The following GABRA1 variants were observed in gnomAD, a reference collection of about 807,000 sequenced individuals.
The protein encoded by GABRA1 is gamma-aminobutyric acid type A receptor subunit alpha1.
A neutral mutation model predicts 48.9 loss-of-function variants in GABRA1; 9 were observed. The ratio of observed to expected loss-of-function variants is 0.18; its 90% CI spans 0.11 to 0.32. The LOEUF (loss-of-function observed/expected upper bound fraction) is 0.32, where lower values mean the gene tolerates loss of function less well. GABRA1 is among the 10% of genes least tolerant of loss of function. The probability of loss-of-function intolerance (pLI) is 1.00; values close to 1 mark genes in which losing one functional copy is unlikely to be tolerated. For missense variants in GABRA1, 285 were observed against 553.8 expected (o/e 0.51, Z 4.87); for synonymous variants, 210 against 198.7 (o/e 1.06, Z -0.48).
At chr5:161,878,688 C>A (rs982108249) in intron 6 of GABRA1, among the ~76,000 whole-genome samples, 6 of 152,024 alleles carry the variant, frequency 3.9e-5, no homozygotes, top group Non-Finnish European at 5.9e-5. Context: ...GTCAGCTAAC[C>A]CGAGGGCAAT....
intron 6 of GABRA1, among the ~76,000 whole-genome samples, chr5:161,876,123 A>G (rs1754341304): frequency 6.6e-6 from 1 of 152,130 alleles, no homozygotes; most frequent in Admixed American, 6.6e-5. Flanking sequence ...CAAAAAACAC[A>G]AATACCCTAA....
At chr5:161,861,760 T>C (rs1164707572) in intron 3 of GABRA1, among the ~76,000 whole-genome samples, 1 of 151,806 alleles carries the variant, frequency 6.6e-6, no homozygotes, top group Non-Finnish European at 1.5e-5. Context: ...TATCCAGGAG[T>C]ATACATTGAT....
chr5:161,860,235 T>C (rs1561568379), intron 3 of GABRA1, among the ~76,000 whole-genome samples: 1 of 151,846 alleles, frequency 6.6e-6, no homozygotes, highest in Non-Finnish European at 1.5e-5. Flanking sequence ...TCTAGCGTGT[T>C]TAGACAACTT....
intron 6 of GABRA1, among the ~76,000 whole-genome samples, chr5:161,879,895 A>T (rs570554312): frequency 6.6e-6 from 1 of 152,340 alleles, no homozygotes; most frequent in South Asian, 2.1e-4. Context: ...GTAACAACAC[A>T]TGACAAAGTA....
chr5:161,884,614 T>C (rs1259619742), intron 7 of GABRA1, among the ~76,000 whole-genome samples: 1 of 152,120 alleles, frequency 6.6e-6, no homozygotes, highest in Non-Finnish European at 1.5e-5. Context: ...TATTGGGGGA[T>C]AAATAATCAC....
chr5:161,864,761 A>G (rs970120905), intron 3 of GABRA1, among the ~76,000 whole-genome samples: 6 of 151,816 alleles, frequency 4.0e-5, no homozygotes, highest in African/African-American at 2.4e-5. Flanking sequence ...TTAAATCATA[A>G]CTGAGTTATC....
chr5:161,888,146 A>G (rs1305567293), intron 7 of GABRA1, among the ~76,000 whole-genome samples: 1 of 152,150 alleles, frequency 6.6e-6, no homozygotes, highest in African/African-American at 2.4e-5. Context: ...TATTTGAATG[A>G]CAATTCCCCT....
chr5:161,864,531 G>T (rs1757980281), intron 3 of GABRA1, among the ~76,000 whole-genome samples: 2 of 151,872 alleles, frequency 1.3e-5, no homozygotes, highest in African/African-American at 2.4e-5. Context: ...TAAAGGAAAT[G>T]ATCATTTTAT....
Position 161,886,499 on chromosome 5 carries a change from A to T in GABRA1, c.703+3798A>T, listed in dbSNP as rs918318366. Among the ~76,000 whole-genome samples the T allele has an allele frequency of 2.0e-5, 3 of 152,226 alleles. No individual in the cohort carries two copies. In the East Asian group the frequency reaches 5.8e-4, roughly 29 times the overall value. On this transcript the variant is annotated intron_variant, in intron 7 of 9. Coordinates refer to ENST00000393943, the MANE Select transcript of GABRA1 (RefSeq NM_001127644.2). ...TAATAATAAGAGTAGGCCTGGGTGC[A>T]GTGAGTCATGCCTGTAATCTCAGCA...
chr5:161,850,893 AC>A lies in GABRA1; in HGVS notation c.74+10del. The A allele has an allele frequency of 1.2e-6, 2 of 1,610,696 alleles. No homozygotes were observed. Among genetic ancestry groups the A allele is most frequent in the Non-Finnish European group, 1.7e-6 (2 of 1,176,978 alleles). On this transcript the variant is annotated intron_variant, in intron 2 of 9. Coordinates refer to ENST00000393943, the MANE Select transcript of GABRA1 (RefSeq NM_001127644.2). ...ACACTGACTGGAAGAAGGTGGGGAC[AC>A]TTTTTTAAAAATCTGCATGAAAATT...
At chr5:161,873,855 C>T (rs752571284) in intron 5 of GABRA1, among the ~76,000 whole-genome samples, 9 of 152,126 alleles carry the variant, frequency 5.9e-5, no homozygotes, top group African/African-American at 1.9e-4. Context: ...CTAAAGACTA[C>T]GTATACATTT....
chr5:161,898,310 A>C lies in GABRA1; in HGVS notation c.*888A>C, dbSNP rs946320614. ...ATGAAGATGTTTTTAGAGGGGCAAA[A>C]ATATTTTGCAAGCTCTGGAATTGTT... On this transcript the variant is annotated 3_prime_UTR_variant, in exon 10 of 10. Coordinates refer to ENST00000393943, the MANE Select transcript of GABRA1 (RefSeq NM_001127644.2). The C allele has an allele frequency of 6.6e-6, 1 of 152,610 alleles. No individual in the cohort carries two copies. The highest frequency in any genetic ancestry group is 1.5e-5 in the Non-Finnish European group (1 of 68,004). 9.5% of individuals were successfully genotyped at this position (152,610 alleles called of 1,614,324 possible).
chr5:161,866,936 TATA>T (rs934029795), intron 4 of GABRA1, among the ~76,000 whole-genome samples: 31 of 152,260 alleles, frequency 2.0e-4, no homozygotes, highest in African/African-American at 7.0e-4. Context: ...TTGCCTGGTT[TATA>T]ATGCCAGCTA....
chr5:161,854,017 T>C, intron 2 of GABRA1, 141 bp from the exon 3 acceptor site: 1 of 540,270 alleles, frequency 1.9e-6, no homozygotes, highest in East Asian at 2.9e-5. Context: ...ATAACATTCC[T>C]TTTTACCTTG....
chr5:161,866,345 C>A (rs1581191005), intron 4 of GABRA1, among the ~76,000 whole-genome samples: 1 of 152,168 alleles, frequency 6.6e-6, no homozygotes, highest in East Asian at 1.9e-4. Context: ...TCTATACCTG[C>A]TCTTTTTTTC....
At chr5:161,868,559 T>C (rs1753975363) in intron 4 of GABRA1, among the ~76,000 whole-genome samples, 2 of 152,106 alleles carry the variant, frequency 1.3e-5, no homozygotes, top group Admixed American at 1.3e-4. Context: ...GCATGCAACA[T>C]TCAAAAACAT....
chr5:161,867,424 T>A (rs899465700), intron 4 of GABRA1, among the ~76,000 whole-genome samples: 6 of 152,110 alleles, frequency 3.9e-5, no homozygotes, highest in Admixed American at 6.6e-5. Context: ...CAGTACAGTG[T>A]GGGGGTTAGC....
chr5:161,872,994 A>G (rs746411720), intron 4 of GABRA1, 123 bp from the exon 5 acceptor site: 3 of 775,206 alleles, frequency 3.9e-6, no homozygotes, highest in Non-Finnish European at 7.0e-6. Context: ...GTTTACTTCT[A>G]AAAACATCAC....
chr5:161,847,906 C>T (rs1329309326), upstream of GABRA1: 1 of 152,044 alleles, frequency 6.6e-6, no homozygotes, highest in Non-Finnish European at 1.5e-5. Flanking sequence ...CCCTTTCTAC[C>T]CTTCCCTCCC....
Sources: allele counts gnomAD v4.1 joint callset (sites outside exome capture counted in the v4.1 genomes callset), GRCh38; gene constraint gnomAD v4.1.1; transcripts MANE v1.5; gene names NCBI Gene and HGNC (gene_info 2026-07-23, HGNC 2026-07-21).